The following CSMD1 variants were observed in gnomAD, a reference collection of about 807,000 sequenced individuals.
CSMD1 encodes the protein CUB and Sushi multiple domains 1.
A neutral mutation model predicts 417.5 loss-of-function variants in CSMD1; 213 were observed. That is an observed-to-expected ratio of 0.51 (90% CI 0.46 to 0.57). The LOEUF is 0.57. Among genes scored for constraint, CSMD1 ranks in the 20% least tolerant of loss-of-function variants. The pLI is 0.00. For missense variants in CSMD1, 6,923 were observed against 4,529.7 expected (o/e 1.53, Z -15.17); for synonymous variants, 2,862 against 1,736.8 (o/e 1.65, Z -16.11).
At chr8:4,919,820 G>C (rs934822244) in intron 1 of CSMD1, among the ~76,000 whole-genome samples, 6 of 152,118 alleles carry the variant, frequency 3.9e-5, no homozygotes, top group African/African-American at 1.2e-4. Context: ...GCATGACCCA[G>C]AGTTCATCCC....
chr8:3,533,568 C>T (rs761358969), intron 10 of CSMD1, among the ~76,000 whole-genome samples: 13 of 152,194 alleles, frequency 8.5e-5, no homozygotes, highest in African/African-American at 2.9e-4. Flanking sequence ...CAGGTTCACA[C>T]ACTGCTGTTG....
intron 3 of CSMD1, among the ~76,000 whole-genome samples, chr8:4,208,424 A>G (rs978160985): frequency 6.6e-6 from 1 of 152,186 alleles, no homozygotes; most frequent in African/African-American, 2.4e-5. Context: ...TGAAAACTCT[A>G]TTATGGTTTT....
At chr8:4,073,758 A>G (rs909660538) in intron 3 of CSMD1, among the ~76,000 whole-genome samples, 29 of 152,254 alleles carry the variant, frequency 1.9e-4, no homozygotes, top group Non-Finnish European at 2.8e-4. Flanking sequence ...CAATTTATAC[A>G]CTTGAAAATG....
intron 2 of CSMD1, among the ~76,000 whole-genome samples, chr8:4,455,932 A>AAAAAAC (rs1799444889): frequency 9.4e-6 from 1 of 106,514 alleles, no homozygotes; most frequent in Non-Finnish European, 1.8e-5. Context: ...CCAACTCCAA[A>AAAAAAC]AAAAAAAAAA....
chr8:3,767,234 G>A (rs60258113), intron 5 of CSMD1, among the ~76,000 whole-genome samples: 43,635 of 152,156 alleles, frequency 0.29, 6,424 homozygotes, highest in South Asian at 0.32. Flanking sequence ...TGAGGCCAAA[G>A]AGCAGCTCAG....
chr8:3,600,447 G>C (rs1239232680), intron 8 of CSMD1, among the ~76,000 whole-genome samples: 1 of 152,182 alleles, frequency 6.6e-6, no homozygotes, highest in Admixed American at 6.5e-5. Flanking sequence ...GCAGTTCTCA[G>C]CAAGGGTCAA....
intron 3 of CSMD1, among the ~76,000 whole-genome samples, chr8:4,125,973 G>A (rs891121585): frequency 2.6e-5 from 4 of 152,080 alleles, no homozygotes; most frequent in African/African-American, 9.7e-5. Flanking sequence ...TAAAACCTAA[G>A]ATCTAAGATC....
intron 3 of CSMD1, among the ~76,000 whole-genome samples, chr8:4,263,854 A>G (rs1195214289): frequency 6.6e-6 from 1 of 152,206 alleles, no homozygotes; most frequent in Non-Finnish European, 1.5e-5. Flanking sequence ...AAAAACATTA[A>G]CTTATTTGTG....
chr8:3,315,982 C>T (rs528384988), intron 23 of CSMD1, among the ~76,000 whole-genome samples: 16 of 152,142 alleles, frequency 1.1e-4, no homozygotes, highest in East Asian at 1.9e-4. Flanking sequence ...AATTCTGAGA[C>T]GTCTCAGTGA....
chr8:4,169,211 G>T (rs1325815405), intron 3 of CSMD1, among the ~76,000 whole-genome samples: 3 of 152,114 alleles, frequency 2.0e-5, no homozygotes, highest in Non-Finnish European at 4.4e-5. Context: ...ACCAACACAT[G>T]TCTGAGCAAA....
chr8:3,810,324 C>T (rs1231592825), intron 5 of CSMD1, among the ~76,000 whole-genome samples: 1 of 152,198 alleles, frequency 6.6e-6, no homozygotes, highest in Non-Finnish European at 1.5e-5. Flanking sequence ...CAACCAGAGC[C>T]ACTGGGAAAG....
intron 1 of CSMD1, among the ~76,000 whole-genome samples, chr8:4,716,788 G>C (rs1488734091): frequency 2.0e-5 from 3 of 152,160 alleles, no homozygotes; most frequent in Admixed American, 2.0e-4. Context: ...AGAAATCAGT[G>C]TCTCGCCTTT....
chr8:4,938,106 T>A (rs1382264258), intron 1 of CSMD1, among the ~76,000 whole-genome samples: 1 of 152,156 alleles, frequency 6.6e-6, no homozygotes, highest in African/African-American at 2.4e-5. Flanking sequence ...CAACAAAGAA[T>A]TTTAAGTTAA....
chr8:3,906,824 A>T (rs1251716149), intron 5 of CSMD1, among the ~76,000 whole-genome samples: 1 of 152,206 alleles, frequency 6.6e-6, no homozygotes, highest in Non-Finnish European at 1.5e-5. Context: ...ACATAGGCAT[A>T]TATCAAGAAG....
At chr8:3,808,538 C>G (rs1800880121) in intron 5 of CSMD1, among the ~76,000 whole-genome samples, 1 of 152,198 alleles carries the variant, frequency 6.6e-6, no homozygotes, top group Non-Finnish European at 1.5e-5. Flanking sequence ...AATTTACATG[C>G]AAAGTCTGTC....
chr8:4,296,785 G>C (rs540199536), intron 3 of CSMD1, among the ~76,000 whole-genome samples: 1 of 148,460 alleles, frequency 6.7e-6, no homozygotes, highest in Non-Finnish European at 1.5e-5. Context: ...CTTTATGCTG[G>C]TGAAAATGAA....
intron 52 of CSMD1, among the ~76,000 whole-genome samples, chr8:3,016,443 G>GC (rs1208413027): frequency 2.0e-4 from 30 of 151,972 alleles, no homozygotes; most frequent in Non-Finnish European, 2.9e-4. Context: ...ACATGCTGTC[G>GC]CCCCCCAGCA....
chr8:4,209,700 C>G (rs1464372125), intron 3 of CSMD1, among the ~76,000 whole-genome samples: 6 of 152,198 alleles, frequency 3.9e-5, no homozygotes, highest in Admixed American at 3.9e-4. Flanking sequence ...TGGTGTCACA[C>G]AGCAACTTTT....
chr8:3,940,523 G>C (rs1026075268), intron 5 of CSMD1, among the ~76,000 whole-genome samples: 15 of 151,252 alleles, frequency 9.9e-5, no homozygotes, highest in Admixed American at 7.9e-4. Context: ...GTGTGTGTGT[G>C]TGTGTGTGTG....
Sources: gnomAD v4.1 joint callset for allele counts (sites outside exome capture counted in the v4.1 genomes callset) on GRCh38, gnomAD v4.1.1 for gene constraint, MANE v1.5 for transcripts, NCBI Gene and HGNC (gene_info 2026-07-23, HGNC 2026-07-21) for gene names.